NT5C3A: variants seen among roughly 807,000 people sequenced by gnomAD.
NT5C3A encodes 5'-nucleotidase, cytosolic IIIA.
NT5C3A carries 23 observed loss-of-function variants against 40.0 expected under a neutral mutation model. The ratio of observed to expected loss-of-function variants is 0.58; its 90% CI spans 0.41 to 0.81. The LOEUF is 0.81. Among genes scored for constraint, NT5C3A ranks in the 40% least tolerant of loss-of-function variants. The pLI is 0.00. For synonymous variants in NT5C3A, 130 were observed against 141.4 expected (o/e 0.92, Z 0.57); for missense variants, 328 against 403.0 (o/e 0.81, Z 1.59).
At chr7:33,061,252 G>T (rs74337263) in intron 1 of NT5C3A, among the ~76,000 whole-genome samples, 1 of 152,176 alleles carries the variant, frequency 6.6e-6, no homozygotes, top group South Asian at 2.1e-4. Flanking sequence ...AAACTTCTGA[G>T]TTAAAACCAT....
At chr7:33,059,081 G>T (rs1462212348) in intron 1 of NT5C3A, among the ~76,000 whole-genome samples, 1 of 152,094 alleles carries the variant, frequency 6.6e-6, no homozygotes, top group East Asian at 1.9e-4. Flanking sequence ...ACTGAACTTG[G>T]CATTGCCAAG....
intron 1 of NT5C3A, among the ~76,000 whole-genome samples, chr7:33,044,004 T>G (rs1787037721): frequency 6.6e-6 from 1 of 152,068 alleles, no homozygotes; most frequent in South Asian, 2.1e-4. Flanking sequence ...TGTGACTTAA[T>G]GTACAAGAGT....
chr7:33,036,071 A>T (rs757427287), intron 1 of NT5C3A: 1 of 1,034,688 alleles, frequency 9.7e-7, no homozygotes. Context: ...TCTTCCTGTT[A>T]TGCCAATAAT....
intron 6 of NT5C3A, 115 bp from the exon 7 acceptor site, chr7:33,017,716 T>A (rs1785414416): frequency 1.2e-6 from 1 of 836,916 alleles, no homozygotes; most frequent in Admixed American, 1.8e-5. Flanking sequence ...CATATTCTCA[T>A]TTCAATATAC....
intron 4 of NT5C3A, chr7:33,021,807 G>C (rs903859543): frequency 4.0e-6 from 2 of 499,582 alleles, no homozygotes; most frequent in South Asian, 2.4e-5. Context: ...GAATACTTTG[G>C]TAATCATTTA....
Position 33,017,438 on chromosome 7 carries a change from C to T in NT5C3A, c.693+1G>A. The T allele has an allele frequency of 1.3e-6, 2 of 1,592,712 alleles. No homozygotes were observed. Among genetic ancestry groups the T allele is most frequent in the African/African-American group, 1.3e-5 (1 of 74,594 alleles). Reference sequence around the variant, plus strand: ...TATGAAGAACGATTTGATATTCTTACAGTTTCATCAAAATCCATAAAATTG... The same window carrying T: ...TATGAAGAACGATTTGATATTCTTATAGTTTCATCAAAATCCATAAAATTG... On this transcript the variant is annotated splice_donor_variant, in intron 7 of 8. Transcript: ENST00000610140. LOFTEE classifies it high-confidence loss of function.
intron 1 of NT5C3A, among the ~76,000 whole-genome samples, chr7:33,046,986 T>TA (rs11382973): frequency 1.5e-5 from 1 of 66,332 alleles, no homozygotes; most frequent in Non-Finnish European, 3.0e-5. Context: ...TTTTTTTTTT[T>TA]AAGAGTCGGG....
chr7:33,022,980 C>A (rs958165737), intron 3 of NT5C3A, among the ~76,000 whole-genome samples: 1 of 149,318 alleles, frequency 6.7e-6, no homozygotes, highest in Admixed American at 6.7e-5. Context: ...TGCAGTGGTG[C>A]GATTATGGCT....
At chr7:33,027,132 C>G (rs1415522523) in intron 1 of NT5C3A, 4 of 442,486 alleles carry the variant, frequency 9.0e-6, no homozygotes, top group Non-Finnish European at 1.6e-5. Context: ...TGCAGTGGCA[C>G]AATCCTAGCT....
intron 1 of NT5C3A, among the ~76,000 whole-genome samples, chr7:33,061,207 A>T (rs1259273792): frequency 6.6e-6 from 1 of 152,252 alleles, no homozygotes; most frequent in Non-Finnish European, 1.5e-5. Flanking sequence ...AAGAAAGCCA[A>T]GTTTTCTAAG....
In NT5C3A at chr7:33,025,813, T is replaced by C. The variant is rs748773736; in HGVS notation, c.237+1004A>G. The stretch of plus-strand genomic sequence containing the variant: ...TTCTGGATTTTATATTCCTAAAGGA[T>C]AGGCAAAAACTGTCTACCTAAACTT... On this transcript the variant is annotated intron_variant, in intron 2 of 8. Transcript: ENST00000610140. Among the ~76,000 whole-genome samples, 16 of 152,328 alleles carry C rather than the reference T, an allele frequency of 1.1e-4. No homozygotes were observed. The East Asian group carries it at 3.1e-3, about 29-fold the overall frequency.
intron 1 of NT5C3A, chr7:33,036,025 A>G (rs1383215366): frequency 3.3e-6 from 5 of 1,536,810 alleles, no homozygotes; most frequent in Middle Eastern, 1.7e-4. Context: ...CAAAAGAGAA[A>G]AAAAAAAGTA....
At chr7:33,026,162 G>A (rs1785916322) in intron 2 of NT5C3A, among the ~76,000 whole-genome samples, 1 of 151,822 alleles carries the variant, frequency 6.6e-6, no homozygotes, top group South Asian at 2.1e-4. Context: ...TCCAGCCTGA[G>A]CAACAGAGTA....
At chr7:33,038,263 T>C (rs1368468432) in intron 1 of NT5C3A, among the ~76,000 whole-genome samples, 1 of 152,116 alleles carries the variant, frequency 6.6e-6, no homozygotes, top group Non-Finnish European at 1.5e-5. Context: ...ATTCACACAG[T>C]GAAGAATTAA....
Position 33,021,211 on chromosome 7 carries a change from G to T in NT5C3A, c.440+61C>A, listed in dbSNP as rs896499451. On this transcript the variant is annotated intron_variant, in intron 5 of 8. Transcript: ENST00000610140. The stretch of plus-strand genomic sequence containing the variant: ...ACAGGTAAAAAATAAGCCATCAGTT[G>T]TAACTGCAGTGTTGTTTTATTATTT... 11 of 1,599,458 alleles carry T rather than the reference G, an allele frequency of 6.9e-6. 1 individual carries two copies. The East Asian group carries it at 9.0e-5, about 13-fold the overall frequency.
chr7:33,027,000 T>A, intron 1 of NT5C3A, 85 bp from the exon 2 acceptor site: 1 of 818,660 alleles, frequency 1.2e-6, no homozygotes, highest in Non-Finnish European at 2.0e-6. Context: ...CTGTCTTATT[T>A]AAAGACATAA....
At chr7:33,026,263 C>T (rs912513263) in intron 2 of NT5C3A, among the ~76,000 whole-genome samples, 12 of 141,656 alleles carry the variant, frequency 8.5e-5, no homozygotes, top group Middle Eastern at 3.9e-3. Flanking sequence ...GTACGAAAAT[C>T]GCCTGAACCC....
At chr7:33,026,353 G>GGAAA (rs1301185554) in intron 2 of NT5C3A, among the ~76,000 whole-genome samples, 1 of 94,156 alleles carries the variant, frequency 1.1e-5, no homozygotes, top group African/African-American at 4.1e-5. Flanking sequence ...CATCTCAAAA[G>GGAAA]AAAAAAAAAA....
intron 7 of NT5C3A, among the ~76,000 whole-genome samples, chr7:33,016,923 C>T (rs1785363388): frequency 6.6e-6 from 1 of 152,014 alleles, no homozygotes; most frequent in South Asian, 2.1e-4. Context: ...TGGCTCATGC[C>T]TGTAATCCCA....
Sources: allele counts gnomAD v4.1 joint callset (sites outside exome capture counted in the v4.1 genomes callset), GRCh38; gene constraint gnomAD v4.1.1; transcripts MANE v1.5; gene names NCBI Gene and HGNC (gene_info 2026-07-23, HGNC 2026-07-21).